WDR7: variants seen among roughly 807,000 people sequenced by gnomAD.
The protein encoded by WDR7 is WD repeat domain 7.
A neutral mutation model predicts 169.4 loss-of-function variants in WDR7; 46 were observed. That is an observed-to-expected ratio of 0.27 (90% CI 0.21 to 0.35). The LOEUF (loss-of-function observed/expected upper bound fraction) is 0.35. Ranked by LOEUF, WDR7 falls within the 10% of genes least tolerant of loss-of-function variation. The probability of loss-of-function intolerance (pLI) is 1.00; values close to 1 mark genes in which losing one functional copy is unlikely to be tolerated. For synonymous variants in WDR7, 612 were observed against 666.8 expected, an observed-to-expected ratio of 0.92 and a Z score of 1.27; for missense variants, 1,534 against 1,859.3, an observed-to-expected ratio of 0.83 and a Z score of 3.22.
intron 20 of WDR7, among the ~76,000 whole-genome samples, chr18:56,861,360 AGT>A (rs2045802156): frequency 6.6e-6 from 1 of 152,206 alleles, no homozygotes; most frequent in South Asian, 2.1e-4. Flanking sequence ...AGCCAAATAG[AGT>A]GTGTTCTGTA....
chr18:56,938,501 A>C lies in WDR7; in HGVS notation c.3832-32A>C, dbSNP rs76982245. 3.4e-3 allele frequency: 5,502 copies of C among 1,605,260 alleles called. 113 individuals are homozygous for C. In the African/African-American group the frequency reaches 0.053, roughly 16 times the overall value. ...AGAAATGTAAAACTATATCAGTGTCAATCATATCTACAGCATAGAAATGTT... is the reference window on the plus strand; with the variant it reads ...AGAAATGTAAAACTATATCAGTGTCCATCATATCTACAGCATAGAAATGTT... On this transcript the variant is annotated intron_variant, in intron 23 of 27. Coordinates refer to ENST00000254442, the MANE Select transcript of WDR7 (RefSeq NM_015285.3).
At chr18:56,900,635 A>G (rs1292580565) in intron 21 of WDR7, among the ~76,000 whole-genome samples, 1 of 152,174 alleles carries the variant, frequency 6.6e-6, no homozygotes, top group Non-Finnish European at 1.5e-5. Context: ...AGACTTCTTT[A>G]AAGAGTCAGT....
chr18:56,724,787 C>T (rs1275938583), intron 13 of WDR7, among the ~76,000 whole-genome samples: 2 of 152,028 alleles, frequency 1.3e-5, no homozygotes, highest in Non-Finnish European at 2.9e-5. Flanking sequence ...TCTCCTAATG[C>T]TATCCCTCCC....
At chr18:56,923,298 A>G (rs1348915763) in intron 21 of WDR7, among the ~76,000 whole-genome samples, 1 of 152,258 alleles carries the variant, frequency 6.6e-6, no homozygotes, top group Admixed American at 6.5e-5. Flanking sequence ...ATTAAGATCT[A>G]GGTCATCTTA....
chr18:56,908,842 TTTTC>T (rs2046515067), intron 21 of WDR7, among the ~76,000 whole-genome samples: 1 of 152,184 alleles, frequency 6.6e-6, no homozygotes, highest in Admixed American at 6.5e-5. Context: ...TTGCACTGTT[TTTTC>T]TTAGTTTGAT....
intron 2 of WDR7, among the ~76,000 whole-genome samples, chr18:56,674,555 A>G (rs1383728139): frequency 1.3e-5 from 2 of 152,178 alleles, no homozygotes; most frequent in Non-Finnish European, 2.9e-5. Flanking sequence ...AATTCTTCAT[A>G]TATTCTAGAT....
chr18:56,802,872 C>T (rs558134566), intron 19 of WDR7, among the ~76,000 whole-genome samples: 111 of 151,420 alleles, frequency 7.3e-4, no homozygotes, highest in African/African-American at 2.5e-3. Context: ...ATCTTAAAAA[C>T]TCATTGGCAA....
chr18:56,824,920 G>A (rs2045169920), intron 20 of WDR7, among the ~76,000 whole-genome samples: 1 of 152,246 alleles, frequency 6.6e-6, no homozygotes, highest in Admixed American at 6.5e-5. Flanking sequence ...GCAGGTGGAA[G>A]TTGGGATGTG....
chr18:56,725,546 G>T (rs1227159556), intron 13 of WDR7, among the ~76,000 whole-genome samples: 1 of 152,150 alleles, frequency 6.6e-6, no homozygotes, highest in African/African-American at 2.4e-5. Context: ...GTAGATTTTG[G>T]ATATTAGCCC....
chr18:56,796,136 A>C (rs1188086492), intron 19 of WDR7, among the ~76,000 whole-genome samples: 1 of 152,226 alleles, frequency 6.6e-6, no homozygotes, highest in East Asian at 1.9e-4. Flanking sequence ...TGCAATTTCT[A>C]TAGAGATATA....
intron 20 of WDR7, among the ~76,000 whole-genome samples, chr18:56,855,763 G>T (rs1351035371): frequency 2.0e-5 from 3 of 152,084 alleles, no homozygotes; most frequent in Admixed American, 6.6e-5. Flanking sequence ...TTCTTCAGAA[G>T]TGTCTTGGTT....
At position 56,953,365 on chromosome 18, in the gene WDR7, T is replaced by C. The variant is rs540881881; in HGVS notation, c.4065-9065T>C. On this transcript the variant is annotated intron_variant, in intron 25 of 27. Coordinates refer to ENST00000254442, the MANE Select transcript of WDR7 (RefSeq NM_015285.3). ...TAAAAATGAAAATATTTTAACTGAC[T>C]GGTTTTTAACATATAAATGGCTAAT... 2.6e-4 allele frequency among the ~76,000 whole-genome samples: 40 copies of C among 152,366 alleles called. No homozygotes were observed. The South Asian group carries it at 4.8e-3, about 18-fold the overall frequency.
At chr18:56,767,376 C>G (rs1467239064) in intron 16 of WDR7, among the ~76,000 whole-genome samples, 1 of 152,194 alleles carries the variant, frequency 6.6e-6, no homozygotes, top group Non-Finnish European at 1.5e-5. Context: ...CTGAGACTCT[C>G]AGCTTTGTCT....
chr18:56,841,674 A>G (rs2045488755), intron 20 of WDR7, among the ~76,000 whole-genome samples: 1 of 152,178 alleles, frequency 6.6e-6, no homozygotes, highest in Admixed American at 6.5e-5. Context: ...CTGTTGAATT[A>G]CTATTACCAC....
chr18:56,779,211 A>G (rs1321687481), intron 17 of WDR7, among the ~76,000 whole-genome samples: 3 of 152,092 alleles, frequency 2.0e-5, no homozygotes, highest in African/African-American at 7.2e-5. Context: ...ATTTCTTTTA[A>G]GATGTTGAGA....
At chr18:57,017,432 GTGTGTGTGTGTGCA>G (rs1420624911) in intron 26 of WDR7, among the ~76,000 whole-genome samples, 3 of 148,748 alleles carry the variant, frequency 2.0e-5, no homozygotes, top group Non-Finnish European at 4.5e-5. Context: ...GTGTGTGTGT[GTGTGTGTGTGTGCA>G]TGTGTGTGTG....
intron 25 of WDR7, among the ~76,000 whole-genome samples, chr18:56,941,866 C>T (rs538819111): frequency 1.0e-3 from 155 of 152,278 alleles, no homozygotes; most frequent in Middle Eastern, 3.4e-3. Flanking sequence ...GAGTGTCTGG[C>T]GTGTGCACAC....
intron 21 of WDR7, among the ~76,000 whole-genome samples, chr18:56,900,111 A>ATATATATATATATATATATATAT (rs1555707547): frequency 3.6e-5 from 5 of 137,774 alleles, no homozygotes; most frequent in Admixed American, 7.1e-5. Flanking sequence ...TATATATATA[A>ATATATATATATATATATATATAT]AATTGTTAAT....
chr18:57,027,162 C>G lies in WDR7; in HGVS notation c.4428C>G (p.Val1476=). 6.2e-7 allele frequency: 1 copy of G among 1,614,192 alleles called. No homozygotes were observed. Among genetic ancestry groups the G allele is most frequent in the Non-Finnish European group, 8.5e-7 (1 of 1,180,036 alleles). ...ARLIWTSNRN[V]ILMAHDGKEH... ...TCATCTGGACTTCCAACCGCAACGT[C>G]ATCCTCATGGCCCATGACGGGAAGG... Residue 1476 remains valine (V), a synonymous_variant, in exon 28 of 28, where the codon GTC becomes GTG. Coordinates refer to ENST00000254442, the MANE Select transcript of WDR7 (RefSeq NM_015285.3).
Sources: allele counts gnomAD v4.1 joint callset (sites outside exome capture counted in the v4.1 genomes callset), GRCh38; gene constraint gnomAD v4.1.1; transcripts MANE v1.5; gene names NCBI Gene and HGNC (gene_info 2026-07-23, HGNC 2026-07-21).